CTDSPL2: variants seen among roughly 807,000 people sequenced by gnomAD.
The protein encoded by CTDSPL2 is CTD small phosphatase like 2, also known as CTD small phosphatase-like protein 2.
CTDSPL2 carries 5 observed loss-of-function variants against 60.0 expected under a neutral mutation model. That is an observed-to-expected ratio of 0.08 (90% confidence interval 0.04 to 0.18). The LOEUF (loss-of-function observed/expected upper bound fraction) is 0.18. Ranked by LOEUF, CTDSPL2 falls within the 10% of genes least tolerant of loss-of-function variation. The pLI, the probability that CTDSPL2 is intolerant of heterozygous loss-of-function variation, is 1.00. For missense variants in CTDSPL2, 370 were observed against 548.8 expected, an observed-to-expected ratio of 0.67 and a Z score of 3.26; for synonymous variants, 186 against 189.3, an observed-to-expected ratio of 0.98 and a Z score of 0.14.
chr15:44,476,071 A>G (rs572853123), intron 2 of CTDSPL2, among the ~76,000 whole-genome samples: 3 of 151,296 alleles, frequency 2.0e-5, no homozygotes, highest in South Asian at 2.1e-4. Context: ...AAAAAGTTAC[A>G]TTTTTTTTTA....
chr15:44,485,726 A>G (rs548971068), intron 3 of CTDSPL2, among the ~76,000 whole-genome samples: 1 of 152,186 alleles, frequency 6.6e-6, no homozygotes, highest in South Asian at 2.1e-4. Context: ...AACGAATGCT[A>G]TCTTAAACAC....
At chr15:44,457,601 G>A (rs139712587) in intron 1 of CTDSPL2, among the ~76,000 whole-genome samples, 3 of 151,884 alleles carry the variant, frequency 2.0e-5, no homozygotes, top group African/African-American at 4.8e-5. Context: ...TTTTTGGTTG[G>A]GGGGGGTGGT....
At chr15:44,438,811 A>C (rs529076851) in intron 1 of CTDSPL2, among the ~76,000 whole-genome samples, 3 of 152,238 alleles carry the variant, frequency 2.0e-5, no homozygotes, top group Admixed American at 6.5e-5. Context: ...TCATTCTCCA[A>C]CTCCAACCCA....
At chr15:44,458,365 C>T (rs2080492225) in intron 1 of CTDSPL2, among the ~76,000 whole-genome samples, 1 of 152,160 alleles carries the variant, frequency 6.6e-6, no homozygotes, top group Admixed American at 6.5e-5. Flanking sequence ...TGAGAGAGCT[C>T]AAATAAATAG....
intron 8 of CTDSPL2, among the ~76,000 whole-genome samples, chr15:44,504,443 T>G (rs1056556295): frequency 2.0e-5 from 3 of 152,208 alleles, no homozygotes; most frequent in East Asian, 1.9e-4. Flanking sequence ...TATTTTTGCT[T>G]CATGAAGGAA....
At chr15:44,466,591 C>T (rs1021701566) in intron 2 of CTDSPL2, among the ~76,000 whole-genome samples, 1 of 152,114 alleles carries the variant, frequency 6.6e-6, no homozygotes, top group East Asian at 1.9e-4. Context: ...TATTCTACTA[C>T]TTATCTAGGC....
At chr15:44,429,400 C>G (rs905244736) in intron 1 of CTDSPL2, among the ~76,000 whole-genome samples, 1 of 152,128 alleles carries the variant, frequency 6.6e-6, no homozygotes, top group Non-Finnish European at 1.5e-5. Context: ...TAGGTTTTGT[C>G]TGTATTTTAA....
At chr15:44,493,928 G>C (rs570395540) in intron 5 of CTDSPL2, among the ~76,000 whole-genome samples, 2 of 152,036 alleles carry the variant, frequency 1.3e-5, no homozygotes, top group Non-Finnish European at 2.9e-5. Context: ...AAAAAATTCT[G>C]CTTTACATCT....
At chr15:44,453,875 G>A (rs565821106) in intron 1 of CTDSPL2, among the ~76,000 whole-genome samples, 15 of 152,130 alleles carry the variant, frequency 9.9e-5, no homozygotes, top group East Asian at 1.9e-4. Context: ...GAATAGTGCC[G>A]CAGTAAACAT....
In CTDSPL2 at chr15:44,525,355, C is replaced by G. The variant is rs970824669; in HGVS notation, c.*1181C>G. 2 of 398,682 alleles carry G rather than the reference C, an allele frequency of 5.0e-6. No homozygotes were observed. The highest frequency in any genetic ancestry group is 8.9e-6 in the Non-Finnish European group (2 of 225,884). 24.7% of individuals were successfully genotyped at this position (398,682 alleles called of 1,614,324 possible). Reference sequence around the variant, plus strand: ...TTCTATGCTATATGAAAATAGTCTTCAAGCCTTGGTTCTCTAATGCAGCTA... The same window carrying G: ...TTCTATGCTATATGAAAATAGTCTTGAAGCCTTGGTTCTCTAATGCAGCTA... On this transcript the variant is annotated 3_prime_UTR_variant, in exon 13 of 13. Coordinates refer to ENST00000260327, the MANE Select transcript of CTDSPL2 (RefSeq NM_016396.3).
At chr15:44,458,385 T>A (rs1256722122) in intron 1 of CTDSPL2, among the ~76,000 whole-genome samples, 1 of 152,044 alleles carries the variant, frequency 6.6e-6, no homozygotes, top group Admixed American at 6.5e-5. Context: ...GCCTCATATT[T>A]TCTTTCTGAT....
At chr15:44,510,007 GACGGAGTCTCAC>G (rs997861208) in intron 8 of CTDSPL2, among the ~76,000 whole-genome samples, 4 of 148,570 alleles carry the variant, frequency 2.7e-5, no homozygotes, top group African/African-American at 9.9e-5. Flanking sequence ...TTTTTTTTGA[GACGGAGTCTCAC>G]TCTGTTGCCC....
At chr15:44,512,276 A>C (rs1484207292) in intron 8 of CTDSPL2, among the ~76,000 whole-genome samples, 1 of 152,144 alleles carries the variant, frequency 6.6e-6, no homozygotes, top group African/African-American at 2.4e-5. Flanking sequence ...ATCATTTTGC[A>C]TTTTCAGATA....
chr15:44,472,777 C>T (rs1714932651), intron 2 of CTDSPL2, among the ~76,000 whole-genome samples: 1 of 152,238 alleles, frequency 6.6e-6, no homozygotes, highest in Admixed American at 6.5e-5. Context: ...AATTCCCCTG[C>T]CTCAGCCCCC....
rs746517109 is a variant in CTDSPL2 at position 44,490,962 on chromosome 15, A to G, written c.654A>G (p.Ala218=). ...RPSLNNGLEE[A]EETVNRDIPP... is the part of the protein sequence containing the mutation. ...CACTAAACAATGGTTTAGAAGAAGC[A>G]GAAGAAACAGTTAATCGTGATATCC... The change falls in exon 5 of 13, where the codon GCA becomes GCG. Residue 218 remains alanine, a synonymous_variant. Transcript: ENST00000260327. The G allele has an allele frequency of 9.3e-6, 15 of 1,614,190 alleles. No individual in the cohort carries two copies. Among genetic ancestry groups the G allele is most frequent in the Non-Finnish European group, 1.3e-5 (15 of 1,180,024 alleles).
chr15:44,509,483 A>G (rs2081529556), intron 8 of CTDSPL2, among the ~76,000 whole-genome samples: 2 of 152,188 alleles, frequency 1.3e-5, no homozygotes, highest in Non-Finnish European at 2.9e-5. Context: ...CTGGGATTAC[A>G]GGCGTGACCT....
chr15:44,519,131 G>GTTT, intron 10 of CTDSPL2, 38 bp from the exon 11 acceptor site: 13 of 1,073,404 alleles, frequency 1.2e-5, no homozygotes, highest in African/African-American at 1.7e-5. Flanking sequence ...TTTTTAGAAA[G>GTTT]TTTTTTTTTT....
chr15:44,479,407 C>CTTTTTT (rs11414036), intron 2 of CTDSPL2, among the ~76,000 whole-genome samples: 23 of 97,894 alleles, frequency 2.3e-4, no homozygotes, highest in African/African-American at 4.7e-4. Context: ...ATTTTCTTTC[C>CTTTTTT]TTTTTTTTTT....
chr15:44,430,098 C>T (rs2079826639), intron 1 of CTDSPL2, among the ~76,000 whole-genome samples: 1 of 152,140 alleles, frequency 6.6e-6, no homozygotes, highest in Non-Finnish European at 1.5e-5. Context: ...ATTCATCTAG[C>T]TGATCTCAAG....
Sources: allele counts gnomAD v4.1 joint callset (sites outside exome capture counted in the v4.1 genomes callset), GRCh38; gene constraint gnomAD v4.1.1; transcripts MANE v1.5; gene names NCBI Gene and HGNC (gene_info 2026-07-23, HGNC 2026-07-21).